The following TAF3 variants were observed in gnomAD, a reference collection of about 807,000 sequenced individuals.
TAF3 encodes the protein TATA-box binding protein associated factor 3.
A neutral mutation model predicts 80.6 loss-of-function variants in TAF3; 7 were observed. The ratio of observed to expected loss-of-function variants is 0.09; its 90% confidence interval spans 0.05 to 0.16. The LOEUF is 0.16. Among genes scored for constraint, TAF3 ranks in the 10% least tolerant of loss-of-function variants. The pLI, the probability that TAF3 is intolerant of heterozygous loss-of-function variation, is 1.00. For missense variants in TAF3, 921 were observed against 1,140.2 expected, an observed-to-expected ratio of 0.81 and a Z score of 2.77; for synonymous variants, 444 against 446.1, an observed-to-expected ratio of 1.00 and a Z score of 0.06.
At chr10:7,832,575 G>A (rs143758509) in intron 2 of TAF3, among the ~76,000 whole-genome samples, 1,769 of 151,860 alleles carry the variant, frequency 0.012, 29 homozygotes, top group African/African-American at 0.039. Context: ...AGACAGTCTC[G>A]CACTGTCACC....
At chr10:7,985,057 A>C (rs1385940955) in intron 4 of TAF3, among the ~76,000 whole-genome samples, 1 of 152,212 alleles carries the variant, frequency 6.6e-6, no homozygotes, top group African/African-American at 2.4e-5. Flanking sequence ...TGCATGGTGC[A>C]ACATCTCTTC....
At chr10:7,922,157 C>T (rs1193481577) in intron 2 of TAF3, among the ~76,000 whole-genome samples, 2 of 152,062 alleles carry the variant, frequency 1.3e-5, no homozygotes, top group Non-Finnish European at 2.9e-5. Flanking sequence ...TGAATCTTGT[C>T]AGATTTCTCA....
intron 2 of TAF3, among the ~76,000 whole-genome samples, chr10:7,963,134 A>G (rs1462329498): frequency 6.6e-6 from 1 of 152,202 alleles, no homozygotes; most frequent in Non-Finnish European, 1.5e-5. Flanking sequence ...GCTCACATCA[A>G]GCAAGCAAAA....
At chr10:7,892,879 G>C (rs1287193877) in intron 2 of TAF3, among the ~76,000 whole-genome samples, 1 of 148,878 alleles carries the variant, frequency 6.7e-6, no homozygotes, top group Non-Finnish European at 1.5e-5. Context: ...GTGCAATGGC[G>C]TGTGATCTTG....
rs190381895 is a variant in TAF3, at chr10:7,970,383, T to C, written c.2232+4641T>C. ...CAACAGCTCTGAGGGTTTGGTATAG[T>C]GGTTCCTGTTTTACAGTTGAGAAAA... On this transcript the variant is annotated intron_variant, in intron 3 of 6. Coordinates refer to ENST00000344293, the MANE Select transcript of TAF3 (RefSeq NM_031923.4). 4.3e-3 allele frequency among the ~76,000 whole-genome samples: 655 copies of C among 152,330 alleles called. 3 individuals carry two copies. Among genetic ancestry groups the C allele is most frequent in the African/African-American group, 0.015 (620 of 41,566 alleles).
intron 2 of TAF3, among the ~76,000 whole-genome samples, chr10:7,931,875 A>T (rs548764360): frequency 1.3e-5 from 2 of 152,326 alleles, no homozygotes; most frequent in African/African-American, 4.8e-5. Flanking sequence ...GGCCTCATGG[A>T]TAAGACAAAA....
Position 8,014,615 on chromosome 10 carries a change from C to T in TAF3, c.2676-22C>T, listed in dbSNP as rs751787308. Reference sequence around the variant, plus strand: ...AGATGTCTGTATAAAAGTTGCTTATCTGAGCTTGTTTTCACGTGCAGGCCC... The same window carrying T: ...AGATGTCTGTATAAAAGTTGCTTATTTGAGCTTGTTTTCACGTGCAGGCCC... On this transcript the variant is annotated intron_variant, in intron 6 of 6. Transcript: ENST00000344293. 3 of 1,601,086 alleles carry T rather than the reference C, an allele frequency of 1.9e-6. 1 individual carries two copies. The South Asian group carries it at 3.4e-5, about 18-fold the overall frequency.
chr10:7,946,227 G>C (rs1257760637), intron 2 of TAF3, among the ~76,000 whole-genome samples: 1 of 152,092 alleles, frequency 6.6e-6, no homozygotes, highest in Non-Finnish European at 1.5e-5. Flanking sequence ...AAGCTCTCTT[G>C]ACCTACCCAA....
chr10:7,866,900 A>G (rs1837219861), intron 2 of TAF3, among the ~76,000 whole-genome samples: 1 of 152,206 alleles, frequency 6.6e-6, no homozygotes, highest in Non-Finnish European at 1.5e-5. Context: ...GGAACTCCAA[A>G]TTTAAAAGAT....
At chr10:7,948,052 CTTTATGACTCTGAT>C (rs1838043048) in intron 2 of TAF3, among the ~76,000 whole-genome samples, 1 of 149,352 alleles carries the variant, frequency 6.7e-6, no homozygotes, top group African/African-American at 2.5e-5. Context: ...AAATATAGTA[CTTTATGACTCTGAT>C]TTTTTTTTTT....
At chr10:7,967,071 TATC>T (rs1387557290) in intron 3 of TAF3, among the ~76,000 whole-genome samples, 4 of 152,340 alleles carry the variant, frequency 2.6e-5, no homozygotes, top group African/African-American at 9.6e-5. Context: ...CAGCAGGTAT[TATC>T]ATCGATATTT....
At chr10:7,982,400 T>A (rs1163689508) in intron 4 of TAF3, among the ~76,000 whole-genome samples, 1 of 152,188 alleles carries the variant, frequency 6.6e-6, no homozygotes, top group African/African-American at 2.4e-5. Context: ...TTTTATTTAT[T>A]TATCTTTTTT....
At chr10:7,886,467 T>G (rs990351867) in intron 2 of TAF3, among the ~76,000 whole-genome samples, 3 of 152,254 alleles carry the variant, frequency 2.0e-5, no homozygotes, top group Non-Finnish European at 2.9e-5. Context: ...ACACAAAATA[T>G]ATAATAACCA....
intron 2 of TAF3, among the ~76,000 whole-genome samples, chr10:7,875,747 C>G (rs1179609291): frequency 6.6e-6 from 1 of 151,810 alleles, no homozygotes; most frequent in Non-Finnish European, 1.5e-5. Flanking sequence ...TCTAATTACT[C>G]AAAAAGGAAA....
At chr10:7,933,422 C>T (rs1588557010) in intron 2 of TAF3, among the ~76,000 whole-genome samples, 3 of 152,308 alleles carry the variant, frequency 2.0e-5, no homozygotes, top group East Asian at 1.9e-4. Flanking sequence ...GGCTGCACGA[C>T]GAGCTCTGAT....
chr10:7,871,737 C>T lies in TAF3; in HGVS notation c.409+47177C>T, dbSNP rs369036053. On this transcript the variant is annotated intron_variant, in intron 2 of 6. Transcript: ENST00000344293. ...GGAATTACAGGCGGGAGCCACCGCG[C>T]CAGGCCAACGATTGCTATTTTGACA... Among the ~76,000 whole-genome samples, 47 of 152,168 alleles carry T rather than the reference C, an allele frequency of 3.1e-4. No homozygotes were observed. The East Asian group carries it at 4.2e-3, about 14-fold the overall frequency.
At chr10:7,925,502 C>A (rs1399557644) in intron 2 of TAF3, among the ~76,000 whole-genome samples, 1 of 152,122 alleles carries the variant, frequency 6.6e-6, no homozygotes, top group Non-Finnish European at 1.5e-5. Flanking sequence ...ACATGGTGGT[C>A]TTTGAAAACT....
intron 2 of TAF3, among the ~76,000 whole-genome samples, chr10:7,855,658 C>G (rs1837071056): frequency 1.3e-5 from 2 of 152,132 alleles, no homozygotes; most frequent in South Asian, 4.1e-4. Flanking sequence ...ACTCAAAGCT[C>G]CCAGACAGCT....
Position 7,856,858 on chromosome 10 carries a change from C to CAA in TAF3, c.409+32319_409+32320dup, listed in dbSNP as rs57207229. 8.7e-3 allele frequency among the ~76,000 whole-genome samples: 786 copies of CAA among 90,538 alleles called. 8 individuals carry two copies. Among genetic ancestry groups the CAA allele is most frequent in the African/African-American group, 0.018 (444 of 24,228 alleles). 59.4% of individuals were successfully genotyped at this position (90,538 alleles called of 152,430 possible). ...TGGTAAATGTTTAACAGCTGGTTCT[C>CAA]AAAAAAAAAAAAAAAAAAAAAAGCA... On this transcript the variant is annotated intron_variant, in intron 2 of 6. Coordinates refer to ENST00000344293, the MANE Select transcript of TAF3 (RefSeq NM_031923.4).
Sources: allele counts gnomAD v4.1 joint callset (sites outside exome capture counted in the v4.1 genomes callset), GRCh38; gene constraint gnomAD v4.1.1; transcripts MANE v1.5; gene names NCBI Gene and HGNC (gene_info 2026-07-23, HGNC 2026-07-21).